Variants in MDGA2 observed in about 807,000 individuals in gnomAD.
The protein encoded by MDGA2 is MAM domain containing glycosylphosphatidylinositol anchor 2.
Under a neutral mutation model 117.8 loss-of-function variants are expected in MDGA2, and 40 were observed. The observed-to-expected ratio is 0.34, with a 90% CI of 0.26 to 0.44. MDGA2 has a LOEUF of 0.44. MDGA2 is among the 20% of genes least tolerant of loss of function. The probability of loss-of-function intolerance (pLI) is 1.00; values close to 1 mark genes in which losing one functional copy is unlikely to be tolerated. For synonymous variants in MDGA2, 452 were observed against 439.0 expected, an observed-to-expected ratio of 1.03 and a Z score of -0.37; for missense variants, 1,123 against 1,250.6, an observed-to-expected ratio of 0.90 and a Z score of 1.54.
chr14:47,218,785 T>C (rs1003973737), intron 2 of MDGA2, among the ~76,000 whole-genome samples: 1 of 152,146 alleles, frequency 6.6e-6, no homozygotes, highest in Non-Finnish European at 1.5e-5. Flanking sequence ...ATTTTGATCA[T>C]CAGTATTCAC....
At chr14:47,183,272 C>G (rs1367774659) in intron 3 of MDGA2, among the ~76,000 whole-genome samples, 2 of 152,042 alleles carry the variant, frequency 1.3e-5, no homozygotes, top group East Asian at 1.9e-4. Flanking sequence ...CTAAGTATCT[C>G]TCCAATTTTA....
chr14:47,608,813 A>C (rs1896787323), intron 1 of MDGA2, among the ~76,000 whole-genome samples: 1 of 152,118 alleles, frequency 6.6e-6, no homozygotes, highest in African/African-American at 2.4e-5. Context: ...TCTGTGATTC[A>C]GTTGACAGGT....
intron 1 of MDGA2, among the ~76,000 whole-genome samples, chr14:47,596,127 T>C (rs1204963673): frequency 2.6e-5 from 4 of 152,180 alleles, no homozygotes; most frequent in African/African-American, 9.6e-5. Context: ...TGAGGGTAGT[T>C]ACACAGATGT....
intron 1 of MDGA2, among the ~76,000 whole-genome samples, chr14:47,596,392 T>C (rs1896542885): frequency 6.6e-6 from 1 of 152,206 alleles, no homozygotes; most frequent in Non-Finnish European, 1.5e-5. Context: ...AAAGCATTTC[T>C]GACTCATTCT....
At position 47,267,537 on chromosome 14, in the gene MDGA2, T is replaced by G. The variant is rs1370545245; in HGVS notation, c.420+33874A>C. On this transcript the variant is annotated intron_variant, in intron 2 of 16. Transcript: ENST00000399232. ...GATTCCTAATTTCTCAGGTCACGAA[T>G]GGCAAATAGAAACTTTGTCACAATA... 2.0e-5 allele frequency among the ~76,000 whole-genome samples: 3 copies of G among 152,256 alleles called. No individual in the cohort carries two copies. The East Asian group carries it at 5.8e-4, about 29-fold the overall frequency.
At chr14:46,965,068 C>T (rs1426280998) in intron 8 of MDGA2, among the ~76,000 whole-genome samples, 14 of 140,500 alleles carry the variant, frequency 1.0e-4, no homozygotes, top group Non-Finnish European at 2.1e-4. Context: ...GGACTACAGG[C>T]GCCCGCCACC....
chr14:46,851,671 C>G (rs1304996115), intron 15 of MDGA2, among the ~76,000 whole-genome samples: 1 of 151,762 alleles, frequency 6.6e-6, no homozygotes. Flanking sequence ...GAAAGAGACT[C>G]AAAGTCACTT....
intron 1 of MDGA2, among the ~76,000 whole-genome samples, chr14:47,609,214 C>T (rs1293300882): frequency 6.6e-6 from 1 of 150,898 alleles, no homozygotes. Context: ...CACCTCCCTC[C>T]TACTCGTCTT....
intron 10 of MDGA2, among the ~76,000 whole-genome samples, chr14:46,891,300 TATA>T (rs1294240586): frequency 1.3e-5 from 2 of 151,676 alleles, no homozygotes; most frequent in Non-Finnish European, 2.9e-5. Flanking sequence ...TGTTTCTAAA[TATA>T]ATAATTCTAG....
intron 3 of MDGA2, among the ~76,000 whole-genome samples, chr14:47,150,056 C>T (rs935245143): frequency 5.9e-5 from 9 of 152,068 alleles, no homozygotes; most frequent in Admixed American, 4.6e-4. Context: ...GGGTTCTATC[C>T]CGAGAAGGGT....
At chr14:47,018,733 G>GAAAAAAAA (rs60442845) in intron 8 of MDGA2, among the ~76,000 whole-genome samples, 930 of 38,622 alleles carry the variant, frequency 0.024, 145 homozygotes, top group Non-Finnish European at 0.036. Context: ...CCATTTTACT[G>GAAAAAAAA]AAAAAAAAAA....
At chr14:46,977,240 T>C (rs1197715668) in intron 8 of MDGA2, among the ~76,000 whole-genome samples, 2 of 151,850 alleles carry the variant, frequency 1.3e-5, no homozygotes, top group South Asian at 2.1e-4. Flanking sequence ...TTCTCTTTTT[T>C]TTTAAAACAC....
intron 10 of MDGA2, among the ~76,000 whole-genome samples, chr14:46,909,330 G>A (rs1454260092): frequency 6.6e-6 from 1 of 152,106 alleles, no homozygotes; most frequent in Non-Finnish European, 1.5e-5. Flanking sequence ...AGTAATTTGA[G>A]ATCTTCATAA....
intron 1 of MDGA2, among the ~76,000 whole-genome samples, chr14:47,493,525 C>A (rs2138658742): frequency 6.6e-6 from 1 of 151,926 alleles, no homozygotes; most frequent in South Asian, 2.1e-4. Context: ...CCGTGTTGTC[C>A]ATGGCTGGTC....
intron 5 of MDGA2, among the ~76,000 whole-genome samples, chr14:47,102,396 C>T (rs1166694841): frequency 1.3e-5 from 2 of 148,408 alleles, no homozygotes; most frequent in Non-Finnish European, 3.0e-5. Context: ...CACACACAAA[C>T]ACACACACAC....
In MDGA2 at chr14:47,425,247, G is replaced by C. The variant is rs555401680; in HGVS notation, c.281-123697C>G. 1.7e-3 allele frequency among the ~76,000 whole-genome samples: 264 copies of C among 152,270 alleles called. 3 individuals carry two copies. The highest frequency in any genetic ancestry group is 5.7e-3 in the African/African-American group (235 of 41,554). ...TTTGATATTCACATTACAAACTTCA[G>C]ATTTGGAGATATTCATTTTTAGCAC... On this transcript the variant is annotated intron_variant, in intron 1 of 16. Coordinates refer to ENST00000399232, the MANE Select transcript of MDGA2 (RefSeq NM_001113498.3).
At chr14:46,935,295 G>A (rs1156412916) in intron 9 of MDGA2, among the ~76,000 whole-genome samples, 3 of 152,166 alleles carry the variant, frequency 2.0e-5, no homozygotes, top group Middle Eastern at 3.4e-3. Context: ...GGCACCGTGA[G>A]CACACTTTAG....
intron 3 of MDGA2, chr14:47,201,148 A>T: frequency 1.4e-6 from 1 of 702,084 alleles, no homozygotes; most frequent in South Asian, 1.4e-5. Flanking sequence ...TTTTTATTGC[A>T]TTAGCTGCTA....
rs184822958 is a variant in MDGA2, at chr14:47,562,160, T to G, written c.280+112357A>C. Reference sequence around the variant, plus strand: ...TTTGTTGAGGGTTTTGGCATCTAAGTTCTTCAAGGATAGCAGCCTGAAGTT... The same window carrying G: ...TTTGTTGAGGGTTTTGGCATCTAAGGTCTTCAAGGATAGCAGCCTGAAGTT... On this transcript the variant is annotated intron_variant, in intron 1 of 16. Coordinates refer to ENST00000399232, the MANE Select transcript of MDGA2 (RefSeq NM_001113498.3). Among the ~76,000 whole-genome samples, 20 of 152,330 alleles carry G rather than the reference T, an allele frequency of 1.3e-4. No individual in the cohort carries two copies. In the East Asian group the frequency reaches 3.5e-3, roughly 26 times the overall value.
Sources: allele counts gnomAD v4.1 joint callset (sites outside exome capture counted in the v4.1 genomes callset), GRCh38; gene constraint gnomAD v4.1.1; transcripts MANE v1.5; gene names NCBI Gene and HGNC (gene_info 2026-07-23, HGNC 2026-07-21).